ATG10: variants seen among roughly 807,000 people sequenced by gnomAD.
The protein encoded by ATG10 is autophagy related 10.
A neutral mutation model predicts 32.1 loss-of-function variants in ATG10; 30 were observed. That is an observed-to-expected ratio of 0.94 (90% CI 0.70 to 1.27). ATG10 has a LOEUF of 1.27. Ranked by LOEUF, ATG10 falls within the 50% of genes most tolerant of loss-of-function variation. ATG10 has a pLI of 0.00. For synonymous variants in ATG10, 87 were observed against 91.5 expected (o/e 0.95, Z 0.28); for missense variants, 233 against 262.3 (o/e 0.89, Z 0.77).
At chr5:82,129,856 G>A (rs1766447323) in intron 3 of ATG10, among the ~76,000 whole-genome samples, 1 of 152,126 alleles carries the variant, frequency 6.6e-6, no homozygotes, top group Admixed American at 6.5e-5. Context: ...CTGTCCCTTG[G>A]CAGAGCTCAA....
At chr5:82,148,164 A>T (rs1271263707) in intron 3 of ATG10, 2 of 152,302 alleles carry the variant, frequency 1.3e-5, no homozygotes, top group East Asian at 3.9e-4. Flanking sequence ...GACAGAGTTG[A>T]GTAGTAGTTG....
chr5:81,977,665 C>T (rs1458564987), intron 1 of ATG10, among the ~76,000 whole-genome samples: 2 of 152,176 alleles, frequency 1.3e-5, no homozygotes, highest in African/African-American at 4.8e-5. Flanking sequence ...TTTGGAGTGA[C>T]TTTGTCTCCA....
intron 5 of ATG10, among the ~76,000 whole-genome samples, chr5:82,182,897 G>T (rs984879222): frequency 2.0e-5 from 3 of 151,966 alleles, no homozygotes; most frequent in Admixed American, 1.3e-4. Flanking sequence ...ATCCTTTTGT[G>T]TCATTTTTTT....
intron 2 of ATG10, among the ~76,000 whole-genome samples, chr5:81,994,662 C>G (rs1226650635): frequency 6.6e-6 from 1 of 152,130 alleles, no homozygotes; most frequent in Non-Finnish European, 1.5e-5. Context: ...TAATTAAAGC[C>G]TCTTTTTTAC....
At chr5:82,108,912 A>C (rs1765525729) in intron 3 of ATG10, among the ~76,000 whole-genome samples, 1 of 151,982 alleles carries the variant, frequency 6.6e-6, no homozygotes, top group Non-Finnish European at 1.5e-5. Flanking sequence ...AGATAATTCC[A>C]TTTTGGCATG....
intron 3 of ATG10, among the ~76,000 whole-genome samples, chr5:82,072,748 A>G (rs1477899702): frequency 6.6e-6 from 1 of 152,196 alleles, no homozygotes; most frequent in East Asian, 1.9e-4. Context: ...TCCACCTTCC[A>G]TACTGGAACT....
chr5:81,987,800 G>C lies in ATG10; in HGVS notation c.108+122G>C, dbSNP rs902443071. 10 of 663,132 alleles carry C rather than the reference G, an allele frequency of 1.5e-5. No individual in the cohort carries two copies. In the South Asian group the frequency reaches 1.8e-4, roughly 12 times the overall value. 41.1% of individuals were successfully genotyped at this position (663,132 alleles called of 1,614,324 possible). A position where few individuals can be genotyped will look rare whatever the true frequency, so the allele number is the denominator to read the frequency against. On this transcript the variant is annotated intron_variant, in intron 2 of 7. Transcript: ENST00000282185. ...AAGGTATGAAAACTGGTTTGATTTA[G>C]TAAAAGTCTTAAATTGAAGAATGTC...
intron 5 of ATG10, among the ~76,000 whole-genome samples, chr5:82,188,576 A>G (rs1561347710): frequency 6.6e-6 from 1 of 152,056 alleles, no homozygotes; most frequent in Non-Finnish European, 1.5e-5. Flanking sequence ...AAGTCTGAGG[A>G]ATATTTATAT....
At chr5:82,205,927 A>G (rs1397382009) in intron 5 of ATG10, among the ~76,000 whole-genome samples, 2 of 152,220 alleles carry the variant, frequency 1.3e-5, no homozygotes, top group Non-Finnish European at 2.9e-5. Flanking sequence ...TTGGTGTGAC[A>G]AAGAATAGAA....
intron 3 of ATG10, among the ~76,000 whole-genome samples, chr5:82,145,888 G>T (rs1767334712): frequency 1.3e-5 from 2 of 151,962 alleles, no homozygotes; most frequent in Non-Finnish European, 2.9e-5. Context: ...TGTATTTTTG[G>T]TAGAGATGGG....
intron 2 of ATG10, among the ~76,000 whole-genome samples, chr5:81,988,185 G>A (rs187235745): frequency 2.0e-5 from 3 of 152,266 alleles, no homozygotes; most frequent in Admixed American, 2.0e-4. Context: ...CCCCCACGCT[G>A]GAGTGCAGTG....
intron 2 of ATG10, among the ~76,000 whole-genome samples, chr5:81,993,422 T>C (rs539984326): frequency 1.4e-5 from 2 of 142,544 alleles, no homozygotes; most frequent in Non-Finnish European, 3.0e-5. Context: ...TCTTTTCTTT[T>C]CTTTCCTTCT....
intron 5 of ATG10, among the ~76,000 whole-genome samples, chr5:82,206,332 G>A (rs923714942): frequency 1.3e-5 from 2 of 152,060 alleles, no homozygotes; most frequent in Admixed American, 6.6e-5. Flanking sequence ...TAGATGGCAT[G>A]TATATCAAAG....
chr5:82,195,240 C>A (rs1744808992), intron 5 of ATG10, among the ~76,000 whole-genome samples: 1 of 152,176 alleles, frequency 6.6e-6, no homozygotes, highest in South Asian at 2.1e-4. Flanking sequence ...CTGTCTTTTT[C>A]TGGCTTGCAA....
At chr5:81,974,676 C>T (rs1374004903) in intron 1 of ATG10, among the ~76,000 whole-genome samples, 1 of 152,100 alleles carries the variant, frequency 6.6e-6, no homozygotes, top group Non-Finnish European at 1.5e-5. Context: ...TATTTAGAGG[C>T]ACAATTAGAA....
chr5:82,138,194 C>T (rs947236356), intron 3 of ATG10, among the ~76,000 whole-genome samples: 1 of 152,192 alleles, frequency 6.6e-6, no homozygotes, highest in African/African-American at 2.4e-5. Flanking sequence ...AGCTAAACCA[C>T]TTGGCTCCCT....
chr5:82,200,819 G>A (rs1745041527), intron 5 of ATG10, among the ~76,000 whole-genome samples: 2 of 150,982 alleles, frequency 1.3e-5, no homozygotes, highest in South Asian at 4.2e-4. Context: ...TTTTCACAGA[G>A]TGAGAGTTTT....
At chr5:82,215,783 A>T (rs1745653064) in intron 5 of ATG10, among the ~76,000 whole-genome samples, 1 of 151,942 alleles carries the variant, frequency 6.6e-6, no homozygotes, top group Admixed American at 6.6e-5. Flanking sequence ...CTAAAAATAC[A>T]AAAAATTAGC....
At position 82,195,518 on chromosome 5, in the gene ATG10, A is replaced by T. The variant is rs569133808; in HGVS notation, c.453+16931A>T. ...TGGGAAGGCAAAGACTATGTTTATC[A>T]CGAGTTTACGTGTGCTCCCATTCCT... On this transcript the variant is annotated intron_variant, in intron 5 of 7. Coordinates refer to ENST00000282185, the MANE Select transcript of ATG10 (RefSeq NM_031482.5). Among the ~76,000 whole-genome samples, 3 of 152,252 alleles carry T rather than the reference A, an allele frequency of 2.0e-5. No individual in the cohort carries two copies. In the South Asian group the frequency reaches 6.2e-4, roughly 32 times the overall value.
Sources: allele counts gnomAD v4.1 joint callset (sites outside exome capture counted in the v4.1 genomes callset), GRCh38; gene constraint gnomAD v4.1.1; transcripts MANE v1.5; gene names NCBI Gene and HGNC (gene_info 2026-07-23, HGNC 2026-07-21).